AMER1: variants seen among roughly 807,000 people sequenced by gnomAD.
AMER1 encodes RP11-403E24.2.
In AMER1, 16 loss-of-function variants were observed where a neutral mutation model predicts 53.0. That is an observed-to-expected ratio of 0.30 (90% CI 0.20 to 0.46). The LOEUF is 0.46. AMER1 is among the 20% of genes least tolerant of loss of function. The pLI is 1.00. For missense variants in AMER1, 947 were observed against 884.9 expected (o/e 1.07, Z -0.89); for synonymous variants, 354 against 331.9 (o/e 1.07, Z -0.73).
chrX:64,186,336 C>A lies in AMER1; in HGVS notation c.*3543G>T. On this transcript the variant is annotated 3_prime_UTR_variant, in exon 2 of 2. Transcript: ENST00000374869. ...TTTTGTTTAAAACTGTAAACAGCAC[C>A]GCTTAAAAATAAATCAGAAAAGAAC... 4 of 964,856 alleles carry A rather than the reference C, an allele frequency of 4.1e-6. No individual in the cohort carries two copies. Among genetic ancestry groups the A allele is most frequent in the Non-Finnish European group, 5.2e-6 (4 of 767,815 alleles). 79.5% of individuals were successfully genotyped at this position (964,856 alleles called of 1,213,427 possible).
In AMER1 at chrX:64,185,886, T is replaced by G. The variant is rs1930095219; in HGVS notation, c.*3993A>C. The G allele has an allele frequency of 2.9e-6, 1 of 347,785 alleles. No individual in the cohort carries two copies. Among genetic ancestry groups the G allele is most frequent in the Non-Finnish European group, 5.1e-6 (1 of 197,057 alleles). 28.7% of individuals were successfully genotyped at this position (347,785 alleles called of 1,213,427 possible). A position where few individuals can be genotyped will look rare whatever the true frequency, so the allele number is the denominator to read the frequency against. ...AGCTTCTTGGGGAAAGGGGACATGG[T>G]TGAAACCCCCTTCCTTCCCCATTGG... On this transcript the variant is annotated 3_prime_UTR_variant, in exon 2 of 2. Coordinates refer to ENST00000374869, the MANE Select transcript of AMER1 (RefSeq NM_152424.4).
At position 64,187,154 on chromosome X, in the gene AMER1, C is replaced by T; in HGVS notation, c.*2725G>A. ...CAGGCCTGAAGCTTGGCTGGCTCTC[C>T]CAATGTCACCCTGTGCTGTCAACAC... On this transcript the variant is annotated 3_prime_UTR_variant, in exon 2 of 2. Transcript: ENST00000374869. 13 of 786,444 alleles carry T rather than the reference C, an allele frequency of 1.7e-5. No individual in the cohort carries two copies. Among genetic ancestry groups the T allele is most frequent in the Non-Finnish European group, 2.0e-5 (13 of 658,644 alleles). The allele number at this position is 786,444 out of a possible 1,213,427, so 64.8% of individuals were successfully genotyped here.
chrX:64,189,892 T>C lies in AMER1; in HGVS notation c.3395A>G (p.Asn1132Ser), dbSNP rs560887174. ...AATTGATAATAACTACTTGGCTAGG[T>C]TTCCATTCATGGCAGTGGAGGAGTA... The part of the protein sequence containing the change: ...TSYSSTAMNG[N>S]LAK Residue 1132 changes from asparagine to serine, a missense_variant, in exon 2 of 2, where the codon AAC becomes AGC. Physicochemically the swap from Asn to Ser is conservative, Grantham distance 46. Transcript: ENST00000374869. The C allele has an allele frequency of 5.9e-6, 7 of 1,179,368 alleles. No homozygotes were observed. The South Asian group carries it at 1.3e-4, about 21-fold the overall frequency.
chrX:64,187,111 C>T lies in AMER1; in HGVS notation c.*2768G>A, dbSNP rs1930125786. 3 of 784,478 alleles carry T rather than the reference C, an allele frequency of 3.8e-6. No homozygotes were observed. Among genetic ancestry groups the T allele is most frequent in the Admixed American group, 1.6e-4 (2 of 12,336 alleles). The allele number at this position is 784,478 out of a possible 1,213,427, so 64.6% of individuals were successfully genotyped here. A position where few individuals can be genotyped will look rare whatever the true frequency, so the allele number is the denominator to read the frequency against. ...GTATTTGCTGCCACCCAAGCCAGCA[C>T]TAGTCTGTGTTTGGAAACAGGCCTG... is the stretch of plus-strand genomic sequence containing the variant. On this transcript the variant is annotated 3_prime_UTR_variant, in exon 2 of 2. Coordinates refer to ENST00000374869, the MANE Select transcript of AMER1 (RefSeq NM_152424.4).
chrX:64,198,977 C>T (rs954098480), intron 1 of AMER1, among the ~76,000 whole-genome samples: 1 of 112,733 alleles, frequency 8.9e-6, no homozygotes, highest in East Asian at 2.8e-4. Context: ...ACACCCATAG[C>T]CAAGTACTGC....
Position 64,186,319 on chromosome X carries a change from A to C in AMER1, c.*3560T>G, listed in dbSNP as rs1930107387. The C allele has an allele frequency of 9.7e-7, 1 of 1,025,725 alleles. No homozygotes were observed. The highest frequency in any genetic ancestry group is 4.1e-5 in the Admixed American group (1 of 24,396). 84.5% of individuals were successfully genotyped at this position (1,025,725 alleles called of 1,213,427 possible). On this transcript the variant is annotated 3_prime_UTR_variant, in exon 2 of 2. Coordinates refer to ENST00000374869, the MANE Select transcript of AMER1 (RefSeq NM_152424.4). The stretch of plus-strand genomic sequence containing the variant: ...TTTTTGTGTCATCTTTGTTTTGTTT[A>C]AAACTGTAAACAGCACCGCTTAAAA...
Position 64,186,068 on chromosome X carries a change from G to A in AMER1, c.*3811C>T. 1.8e-6 allele frequency: 2 copies of A among 1,130,670 alleles called. No homozygotes were observed. The highest frequency in any genetic ancestry group is 3.0e-5 in the East Asian group (1 of 33,257). 93.2% of individuals were successfully genotyped at this position (1,130,670 alleles called of 1,213,427 possible). A position where few individuals can be genotyped will look rare whatever the true frequency, so the allele number is the denominator to read the frequency against. On this transcript the variant is annotated 3_prime_UTR_variant, in exon 2 of 2. Transcript: ENST00000374869. ...GAGGGTCTAGACATGGGGAAGAAGGGTTCAAAAGAAAGAAAAACATAAAAT... is the reference window on the plus strand; with the variant it reads ...GAGGGTCTAGACATGGGGAAGAAGGATTCAAAAGAAAGAAAAACATAAAAT...
In AMER1 at chrX:64,191,140, G is replaced by C. The variant is rs1930235398; in HGVS notation, c.2147C>G (p.Thr716Ser). ...EGTCSKKDQS[T>S]CLMQLFQSDA... Reference sequence around the variant, plus strand: ...ACTCTGGAAGAGCTGCATCAGGCAGGTACTTTGATCTTTCTTGGAGCAGGT... The same window carrying C: ...ACTCTGGAAGAGCTGCATCAGGCAGCTACTTTGATCTTTCTTGGAGCAGGT... The change falls in exon 2 of 2, where the codon ACC becomes AGC. Residue 716 changes from threonine (T) to serine (S), a missense_variant. By Grantham distance (58) the Thr-to-Ser change is moderately conservative. Transcript: ENST00000374869. 8.2e-7 allele frequency: 1 copy of C among 1,212,218 alleles called. No homozygotes were observed. Among genetic ancestry groups the C allele is most frequent in the Middle Eastern group, 2.3e-4 (1 of 4,353 alleles).
Position 64,189,793 on chromosome X carries a change from A to ACGGGGGGCC in AMER1, c.*85_*86insGGCCCCCCG. ...CAAAGGGTTTTCAAGTTAAACAACA[A>ACGGGGGGCC]CCCCCACCCCCCCACCCTTCTGCCC... On this transcript the variant is annotated 3_prime_UTR_variant, in exon 2 of 2. Transcript: ENST00000374869. The ACGGGGGGCC allele has an allele frequency of 1.4e-5, 4 of 292,059 alleles. No homozygotes were observed. The highest frequency in any genetic ancestry group is 2.0e-5 in the Non-Finnish European group (4 of 204,819). 24.1% of individuals were successfully genotyped at this position (292,059 alleles called of 1,213,427 possible).
In AMER1 at chrX:64,186,192, G is replaced by C. The variant is rs778986820; in HGVS notation, c.*3687C>G. On this transcript the variant is annotated 3_prime_UTR_variant, in exon 2 of 2. Transcript: ENST00000374869. ...GGCATCTTCTGCTGTCCCTATCATG[G>C]GGGGAGGGAACGGACAGTGTGGTAC... 6 of 1,206,919 alleles carry C rather than the reference G, an allele frequency of 5.0e-6. No individual in the cohort carries two copies. The highest frequency in any genetic ancestry group is 4.4e-5 in the Admixed American group (2 of 45,594).
At chrX:64,201,951 C>T (rs915871128) in intron 1 of AMER1, among the ~76,000 whole-genome samples, 8 of 112,292 alleles carry the variant, frequency 7.1e-5, no homozygotes, top group Non-Finnish European at 1.5e-4. Context: ...AGGCTCCTGC[C>T]TCAGCCTTCC....
At chrX:64,200,247 C>T (rs1452646571) in intron 1 of AMER1, among the ~76,000 whole-genome samples, 2 of 112,502 alleles carry the variant, frequency 1.8e-5, no homozygotes, top group Non-Finnish European at 3.8e-5. Flanking sequence ...TTCCCCACCC[C>T]CCGTTCAAAT....
intron 1 of AMER1, among the ~76,000 whole-genome samples, chrX:64,203,810 G>C (rs933759567): frequency 8.9e-6 from 1 of 111,787 alleles, no homozygotes; most frequent in Non-Finnish European, 1.9e-5. Flanking sequence ...CAGAGGGCAG[G>C]TCCAGCCCTG....
In AMER1 at chrX:64,191,923, G is replaced by C. The variant is rs755420795; in HGVS notation, c.1364C>G (p.Thr455Ser). The C allele has an allele frequency of 8.3e-7, 1 of 1,211,903 alleles. No individual in the cohort carries two copies. Among genetic ancestry groups the C allele is most frequent in the Non-Finnish European group, 1.1e-6 (1 of 895,579 alleles). The change falls in exon 2 of 2, where the codon ACT becomes AGT. Residue 455 changes from threonine to serine, a missense_variant. Thr to Ser is a moderately conservative substitution (Grantham distance 58, BLOSUM62 1). Transcript: ENST00000374869. ...YPGLAPGELL[T>S]PQSDQQESAP... Reference sequence around the variant, plus strand: ...GGATTCTTGCTGGTCACTCTGAGGAGTCAAAAGTTCCCCAGGGGCTAGGCC... The same window carrying C: ...GGATTCTTGCTGGTCACTCTGAGGACTCAAAAGTTCCCCAGGGGCTAGGCC...
At position 64,189,795 on chromosome X, in the gene AMER1, C is replaced by CAA; in HGVS notation, c.*83_*84insTT. On this transcript the variant is annotated 3_prime_UTR_variant, in exon 2 of 2. Coordinates refer to ENST00000374869, the MANE Select transcript of AMER1 (RefSeq NM_152424.4). ...AAGGGTTTTCAAGTTAAACAACAAC[C>CAA]CCCACCCCCCCACCCTTCTGCCCAA... 2 of 154,268 alleles carry CAA rather than the reference C, an allele frequency of 1.3e-5. No homozygotes were observed. The highest frequency in any genetic ancestry group is 2.7e-4 in the East Asian group (1 of 3,655). The allele number at this position is 154,268 out of a possible 1,213,427, so 12.7% of individuals were successfully genotyped here.
rs1322854723 is a variant in AMER1 at position 64,192,581 on chromosome X, C to T, written c.706G>A (p.Gly236Arg). ...TCTGGTGTTGGAGAAACTTTTGGCC[C>T]AGGGGCATCTTGGGGGTTAGCATTT... ...KENANPQDAP[G>R]PKVSPTPEPS... is the part of the protein sequence containing the mutation. The change falls in exon 2 of 2, where the codon GGG becomes AGG. Residue 236 changes from glycine (G) to arginine (R), a missense_variant. Transcript: ENST00000374869. 8.4e-7 allele frequency: 1 copy of T among 1,192,268 alleles called. No homozygotes were observed. Among genetic ancestry groups the T allele is most frequent in the African/African-American group, 1.8e-5 (1 of 56,297 alleles).
In AMER1 at chrX:64,189,613, G is replaced by A. The variant is rs959558342; in HGVS notation, c.*266C>T. 18 of 914,782 alleles carry A rather than the reference G, an allele frequency of 2.0e-5. No individual in the cohort carries two copies. Among genetic ancestry groups the A allele is most frequent in the South Asian group, 1.8e-4 (4 of 21,960 alleles). 75.4% of individuals were successfully genotyped at this position (914,782 alleles called of 1,213,427 possible). A position where few individuals can be genotyped will look rare whatever the true frequency, so the allele number is the denominator to read the frequency against. ...AAAATTACAGCATCCCAAACCCAGC[G>A]TGGGTCACAAGAAGAAACCTCGAAA... On this transcript the variant is annotated 3_prime_UTR_variant, in exon 2 of 2. Coordinates refer to ENST00000374869, the MANE Select transcript of AMER1 (RefSeq NM_152424.4).
In AMER1 at chrX:64,190,955, T is replaced by C; in HGVS notation, c.2332A>G (p.Ser778Gly). Reference protein sequence around the residue: ...SFSQALVEFTSNGNLFSSMSC... With the variant: ...SFSQALVEFTGNGNLFSSMSC... ...ATGCTGGAAAAGAGGTTCCCATTGCTGGTGAACTCTACCAGGGCCTGTGAG... is the reference window on the plus strand; with the variant it reads ...ATGCTGGAAAAGAGGTTCCCATTGCCGGTGAACTCTACCAGGGCCTGTGAG... Residue 778 changes from serine (S) to glycine (G), a missense_variant, in exon 2 of 2, where the codon AGC becomes GGC. Coordinates refer to ENST00000374869, the MANE Select transcript of AMER1 (RefSeq NM_152424.4). 8.3e-7 allele frequency: 1 copy of C among 1,211,535 alleles called. No individual in the cohort carries two copies. The highest frequency in any genetic ancestry group is 1.1e-6 in the Non-Finnish European group (1 of 895,372).
At chrX:64,204,989 G>T (rs1930568281) in intron 1 of AMER1, among the ~76,000 whole-genome samples, 1 of 113,410 alleles carries the variant, frequency 8.8e-6, no homozygotes, top group Non-Finnish European at 1.9e-5. Flanking sequence ...CTCCTCTGGG[G>T]AGGGGGCAGT....
Sources: gnomAD v4.1 joint callset for allele counts (sites outside exome capture counted in the v4.1 genomes callset) on GRCh38, gnomAD v4.1.1 for gene constraint, MANE v1.5 for transcripts, NCBI Gene and HGNC (gene_info 2026-07-23, HGNC 2026-07-21) for gene names.